Variants in TMEM165 observed in about 807,000 individuals in gnomAD.
The protein encoded by TMEM165 is transmembrane protein 165.
TMEM165 carries 19 observed loss-of-function variants against 30.0 expected under a neutral mutation model. That is an observed-to-expected ratio of 0.63 (90% CI 0.44 to 0.93). The LOEUF is 0.93. Among genes scored for constraint, TMEM165 ranks in the 40% least tolerant of loss-of-function variants. The pLI, the probability that TMEM165 is intolerant of heterozygous loss-of-function variation, is 0.00. For missense variants in TMEM165, 340 were observed against 417.0 expected, an observed-to-expected ratio of 0.82 and a Z score of 1.61; for synonymous variants, 168 against 162.9, an observed-to-expected ratio of 1.03 and a Z score of -0.24.
In TMEM165 at chr4:55,444,816, A is replaced by G. The variant is rs760814487; in HGVS notation, c.409-7423A>G. ...GTACCATGTACGGAAAAAGTGTAAT[A>G]TATTTTAGAATTACTTACTCCTTAT... On this transcript the variant is annotated intron_variant, in intron 3 of 3. Transcript: ENST00000608091. 9.4e-6 allele frequency: 15 copies of G among 1,603,896 alleles called. 1 individual carries two copies. The highest frequency in any genetic ancestry group is 8.0e-5 in the African/African-American group (6 of 74,676).
chr4:55,437,058 ATTG>A lies in TMEM165; in HGVS notation c.408+12421_408+12423del, dbSNP rs1203916192. ...CATAATAATTTAGAACTTGTTTTAA[ATTG>A]TTGTTATTTCTTTATTTGTAATAGT... On this transcript the variant is annotated intron_variant, in intron 3 of 3. Coordinates refer to the TMEM165 transcript ENST00000608091. Among the ~76,000 whole-genome samples the A allele has an allele frequency of 2.6e-5, 4 of 152,082 alleles. No homozygotes were observed. In the South Asian group the frequency reaches 6.2e-4, roughly 24 times the overall value.
intron 3 of TMEM165, chr4:55,433,239 T>C (rs1308492034): frequency 6.6e-6 from 1 of 152,656 alleles, no homozygotes; most frequent in African/African-American, 2.4e-5. Context: ...TTGATATTCA[T>C]GGGAATGTGG....
intron 1 of TMEM165, among the ~76,000 whole-genome samples, chr4:55,404,992 G>A (rs986385919): frequency 6.6e-5 from 10 of 152,124 alleles, no homozygotes; most frequent in Non-Finnish European, 8.8e-5. Context: ...CCAACCTGAC[G>A]GTCTGTGATG....
At chr4:55,427,768 C>T (rs1159116198), downstream of TMEM165, 1 of 152,202 alleles carries the variant, frequency 6.6e-6, no homozygotes, top group South Asian at 2.1e-4. Context: ...AGAACAGCAT[C>T]GCATTCTGAG....
intron 3 of TMEM165, chr4:55,438,626 A>AT (rs1361772288): frequency 6.3e-6 from 10 of 1,587,252 alleles, no homozygotes; most frequent in Non-Finnish European, 8.6e-6. Flanking sequence ...ACCTAAGATA[A>AT]TACCCAATGA....
chr4:55,449,003 A>G (rs962094898), intron 3 of TMEM165: 2 of 719,514 alleles, frequency 2.8e-6, no homozygotes, highest in Non-Finnish European at 4.7e-6. Flanking sequence ...GAATACAGCT[A>G]TGTCTTCTCA....
chr4:55,418,521 G>GA (rs57262129), intron 4 of TMEM165, among the ~76,000 whole-genome samples: 351 of 124,422 alleles, frequency 2.8e-3, no homozygotes, highest in African/African-American at 3.3e-3. Context: ...GACCCAGTCT[G>GA]AAAAAAAAAA....
intron 1 of TMEM165, chr4:55,397,465 G>T (rs1287687805): frequency 6.6e-6 from 1 of 151,232 alleles, no homozygotes; most frequent in Non-Finnish European, 1.5e-5. Flanking sequence ...TCTCTTGCCA[G>T]TTCCTCCCTA....
At chr4:55,420,599 G>C (rs559382156) in intron 4 of TMEM165, among the ~76,000 whole-genome samples, 1 of 152,104 alleles carries the variant, frequency 6.6e-6, no homozygotes, top group South Asian at 2.1e-4. Flanking sequence ...CATACTAACT[G>C]CCCTGCGGGG....
chr4:55,418,138 CCTT>C (rs1439962704), intron 4 of TMEM165, 153 bp downstream of exon 4: 1 of 655,384 alleles, frequency 1.5e-6, no homozygotes, highest in African/African-American at 1.9e-5. Context: ...CTAAAATTGG[CCTT>C]CTCCCAGTTC....
At chr4:55,407,934 G>A (rs1039752010) in intron 1 of TMEM165, among the ~76,000 whole-genome samples, 3 of 152,118 alleles carry the variant, frequency 2.0e-5, no homozygotes, top group African/African-American at 7.2e-5. Flanking sequence ...TGAGTCACAG[G>A]GGGGTGTACC....
At chr4:55,403,188 C>G in intron 1 of TMEM165, 2 of 1,119,998 alleles carry the variant, frequency 1.8e-6, no homozygotes, top group Non-Finnish European at 2.4e-6. Context: ...ATAATCTCAC[C>G]TCTTGTTTGA....
chr4:55,403,516 A>ATTTTTT (rs1398677528), intron 1 of TMEM165, among the ~76,000 whole-genome samples: 1 of 128,518 alleles, frequency 7.8e-6, no homozygotes, highest in South Asian at 2.5e-4. Context: ...TTTTTTTACA[A>ATTTTTT]TTTTTACATT....
intron 4 of TMEM165, among the ~76,000 whole-genome samples, chr4:55,420,098 G>GAAAAAAAAAAAAAAAAAAA (rs370641089): frequency 2.1e-4 from 9 of 43,768 alleles, no homozygotes; most frequent in Non-Finnish European, 4.7e-4. Context: ...ACTATCTTAA[G>GAAAAAAAAAAAAAAAAAAA]AAAAAAAAAT....
At chr4:55,402,119 C>CAAAAAAAAAAAAAAA (rs71194551) in intron 1 of TMEM165, among the ~76,000 whole-genome samples, 4 of 106,986 alleles carry the variant, frequency 3.7e-5, no homozygotes, top group South Asian at 2.9e-4. Flanking sequence ...ACTCTGTCTC[C>CAAAAAAAAAAAAAAA]AAAAAAAAAA....
downstream of TMEM165, among the ~76,000 whole-genome samples, chr4:55,427,338 C>CTAA (rs966240062): frequency 4.9e-5 from 7 of 142,010 alleles, no homozygotes; most frequent in Non-Finnish European, 9.1e-5. Context: ...GCTTGGCCTA[C>CTAA]TAATACGTTT....
rs757310398 is a variant in TMEM165 at position 55,424,576 on chromosome 4, C to T, written c.831C>T (p.His277=). 21 of 1,613,840 alleles carry T rather than the reference C, an allele frequency of 1.3e-5. No homozygotes were observed. Among genetic ancestry groups the T allele is most frequent in the East Asian group, 2.2e-5 (1 of 44,882 alleles). ...YGVAVGGTVG[H]CLCTGLAVIG... is the part of the protein sequence containing the mutation. ...TAGCCGTGGGTGGAACTGTGGGGCA[C>T]TGCCTGTGCACGGGATTGGCAGTAA... The change falls in exon 5 of 6, where the codon CAC becomes CAT. Residue 277 remains histidine, a synonymous_variant. Transcript: ENST00000381334.
At chr4:55,406,028 T>A (rs1721254044) in intron 1 of TMEM165, among the ~76,000 whole-genome samples, 1 of 152,216 alleles carries the variant, frequency 6.6e-6, no homozygotes, top group Admixed American at 6.5e-5. Flanking sequence ...AGTTAGCCAC[T>A]CCATGAGTGA....
intron 3 of TMEM165, among the ~76,000 whole-genome samples, chr4:55,448,067 G>C (rs138464603): frequency 3.3e-5 from 5 of 152,244 alleles, no homozygotes; most frequent in Non-Finnish European, 5.9e-5. Context: ...CTCCTAGAAA[G>C]TTTTCCTTCA....
Sources: gnomAD v4.1 joint callset for allele counts (sites outside exome capture counted in the v4.1 genomes callset) on GRCh38, gnomAD v4.1.1 for gene constraint, MANE v1.5 for transcripts, NCBI Gene and HGNC (gene_info 2026-07-23, HGNC 2026-07-21) for gene names.